ADAMTSL1: variants seen among roughly 807,000 people sequenced by gnomAD.
ADAMTSL1 encodes ADAMTS like 1.
Under a neutral mutation model 201.8 loss-of-function variants are expected in ADAMTSL1, and 126 were observed. The observed-to-expected ratio is 0.62, with a 90% CI of 0.54 to 0.72. The LOEUF (loss-of-function observed/expected upper bound fraction) is 0.72. ADAMTSL1 is among the 30% of genes least tolerant of loss of function. ADAMTSL1 has a pLI of 0.00. For missense variants in ADAMTSL1, 2,679 were observed against 2,277.8 expected (o/e 1.18, Z -3.59); for synonymous variants, 1,121 against 903.4 (o/e 1.24, Z -4.32).
At chr9:18,730,844 G>T (rs1414408479) in intron 15 of ADAMTSL1, among the ~76,000 whole-genome samples, 1 of 152,162 alleles carries the variant, frequency 6.6e-6, no homozygotes, top group Non-Finnish European at 1.5e-5. Context: ...TACTGCTATT[G>T]ACTCTGGTCA....
chr9:18,231,005 A>C (rs1257338915), intron 2 of ADAMTSL1, among the ~76,000 whole-genome samples: 1 of 152,122 alleles, frequency 6.6e-6, no homozygotes, highest in African/African-American at 2.4e-5. Flanking sequence ...CGTGTGCTTA[A>C]TGCACCACTT....
chr9:17,963,697 A>T (rs1817851891), intron 1 of ADAMTSL1, among the ~76,000 whole-genome samples: 1 of 152,124 alleles, frequency 6.6e-6, no homozygotes, highest in Non-Finnish European at 1.5e-5. Flanking sequence ...GTGCAGATTG[A>T]GATTCAAATT....
chr9:18,188,230 G>T (rs1356138414), intron 2 of ADAMTSL1, among the ~76,000 whole-genome samples: 1 of 152,112 alleles, frequency 6.6e-6, no homozygotes, highest in Non-Finnish European at 1.5e-5. Flanking sequence ...AGTTGATTGT[G>T]TTACTTTTTC....
intron 14 of ADAMTSL1, among the ~76,000 whole-genome samples, chr9:18,720,333 G>A (rs1267604194): frequency 6.6e-6 from 1 of 152,196 alleles, no homozygotes; most frequent in East Asian, 1.9e-4. Context: ...TAAAAATAGT[G>A]CTTACTTTGT....
chr9:18,799,692 C>T (rs1822657620), intron 20 of ADAMTSL1, among the ~76,000 whole-genome samples: 1 of 152,172 alleles, frequency 6.6e-6, no homozygotes, highest in Admixed American at 6.5e-5. Flanking sequence ...ATGAGCTCAT[C>T]TGACATTTTC....
chr9:18,560,650 G>C (rs1203496307), intron 3 of ADAMTSL1, among the ~76,000 whole-genome samples: 1 of 151,268 alleles, frequency 6.6e-6, no homozygotes, highest in East Asian at 1.9e-4. Flanking sequence ...TTTTTTTTTG[G>C]TTGGTAGGCT....
intron 2 of ADAMTSL1, among the ~76,000 whole-genome samples, chr9:18,166,947 T>C (rs1473957813): frequency 6.6e-6 from 1 of 151,938 alleles, no homozygotes; most frequent in Non-Finnish European, 1.5e-5. Flanking sequence ...TGCATTGCGT[T>C]AGAAAAACTT....
At chr9:18,436,730 AT>A (rs1247501808) in intron 2 of ADAMTSL1, among the ~76,000 whole-genome samples, 5 of 152,038 alleles carry the variant, frequency 3.3e-5, no homozygotes, top group African/African-American at 1.2e-4. Context: ...CTCCTGGAAA[AT>A]CCCTCTTTAG....
chr9:18,503,421 GTATATATA>G (rs10673652), intron 1 of ADAMTSL1, among the ~76,000 whole-genome samples: 1 of 115,274 alleles, frequency 8.7e-6, no homozygotes, highest in Non-Finnish European at 1.9e-5. Flanking sequence ...ATTCCATTGT[GTATATATA>G]TATATATATA....
intron 1 of ADAMTSL1, among the ~76,000 whole-genome samples, chr9:17,996,600 G>A (rs543503903): frequency 6.6e-6 from 1 of 152,050 alleles, no homozygotes; most frequent in African/African-American, 2.4e-5. Flanking sequence ...TTATTGTACT[G>A]GGTATTGTTT....
Position 17,913,421 on chromosome 9 carries a change from A to T in ADAMTSL1, c.87+6499A>T, listed in dbSNP as rs183999385. On this transcript the variant is annotated intron_variant, in intron 1 of 29. Transcript: ENST00000680146. ...TGAAGAGGTCCTTCACATCCCTTGTAAGTTGGATTCCTAGGTATTTTATTC... is the reference window on the plus strand; with the variant it reads ...TGAAGAGGTCCTTCACATCCCTTGTTAGTTGGATTCCTAGGTATTTTATTC... Among the ~76,000 whole-genome samples the T allele has an allele frequency of 8.0e-3, 1,220 of 152,280 alleles. 19 individuals are homozygous for T. The highest frequency in any genetic ancestry group is 0.028 in the African/African-American group (1,144 of 41,542).
chr9:18,337,512 T>G (rs946722322), intron 2 of ADAMTSL1, among the ~76,000 whole-genome samples: 2 of 152,204 alleles, frequency 1.3e-5, no homozygotes, highest in Non-Finnish European at 2.9e-5. Flanking sequence ...TCCATATTGT[T>G]TCTTTCCTAT....
intron 1 of ADAMTSL1, among the ~76,000 whole-genome samples, chr9:18,028,936 T>C (rs1481519052): frequency 2.6e-5 from 4 of 152,204 alleles, no homozygotes; most frequent in African/African-American, 9.6e-5. Flanking sequence ...TTTGATTTCA[T>C]TGAGCAGTGG....
chr9:18,510,124 C>G (rs1334898342), intron 2 of ADAMTSL1, among the ~76,000 whole-genome samples: 1 of 152,118 alleles, frequency 6.6e-6, no homozygotes, highest in Non-Finnish European at 1.5e-5. Context: ...AGTAATATGA[C>G]CTCTTAGAGC....
chr9:18,822,641 C>A (rs982755657), intron 21 of ADAMTSL1, among the ~76,000 whole-genome samples: 1 of 152,288 alleles, frequency 6.6e-6, no homozygotes, highest in East Asian at 1.9e-4. Flanking sequence ...GGCATCCAAA[C>A]AAATGTGACC....
chr9:18,683,929 T>G (rs1830672625), intron 12 of ADAMTSL1, among the ~76,000 whole-genome samples: 1 of 152,204 alleles, frequency 6.6e-6, no homozygotes, highest in Non-Finnish European at 1.5e-5. Flanking sequence ...AAAATGGTGA[T>G]AGAGCATCAT....
At position 18,776,757 on chromosome 9, in the gene ADAMTSL1, C is replaced by T. The variant is rs1453673926; in HGVS notation, c.2552-24C>T. On this transcript the variant is annotated intron_variant, in intron 18 of 28. Coordinates refer to ENST00000380548, the MANE Select transcript of ADAMTSL1 (RefSeq NM_001040272.6). The stretch of plus-strand genomic sequence containing the variant: ...CTCTCTCCCCACCTCTTTCTCTGTC[C>T]CTTCGGGTTCGCTCTCCTTCCAGGG... 3.9e-6 allele frequency: 6 copies of T among 1,523,686 alleles called. No individual in the cohort carries two copies. The South Asian group carries it at 6.3e-5, about 16-fold the overall frequency. The allele number at this position is 1,523,686 out of a possible 1,614,324, so 94.4% of individuals were successfully genotyped here. A position where few individuals can be genotyped will look rare whatever the true frequency, so the allele number is the denominator to read the frequency against.
intron 23 of ADAMTSL1, among the ~76,000 whole-genome samples, chr9:18,884,092 C>G (rs938151873): frequency 6.6e-6 from 1 of 152,084 alleles, no homozygotes; most frequent in African/African-American, 2.4e-5. Flanking sequence ...TTTTGGGTTT[C>G]TTTTAATAAT....
chr9:18,599,144 T>C (rs998940163), intron 4 of ADAMTSL1, among the ~76,000 whole-genome samples: 2 of 152,252 alleles, frequency 1.3e-5, no homozygotes, highest in Non-Finnish European at 2.9e-5. Flanking sequence ...TAGTCTTTTA[T>C]TGAGCCACAT....
Sources: gnomAD v4.1 joint callset for allele counts (sites outside exome capture counted in the v4.1 genomes callset) on GRCh38, gnomAD v4.1.1 for gene constraint, MANE v1.5 for transcripts, NCBI Gene and HGNC (gene_info 2026-07-23, HGNC 2026-07-21) for gene names.